The following SIGIRR variants were observed in gnomAD, a reference collection of about 807,000 sequenced individuals.
SIGIRR encodes the protein single Ig IL-1-related receptor.
In SIGIRR, 41 loss-of-function variants were observed where a neutral mutation model predicts 45.6. That is an observed-to-expected ratio of 0.90 (90% CI 0.70 to 1.17). SIGIRR has a LOEUF of 1.17. SIGIRR is among the 50% of genes most tolerant of loss of function. The probability of loss-of-function intolerance (pLI) is 0.00; values close to 1 mark genes in which losing one functional copy is unlikely to be tolerated. For synonymous variants in SIGIRR, 298 were observed against 239.0 expected (o/e 1.25, Z -2.28); for missense variants, 599 against 539.6 (o/e 1.11, Z -1.09).
chr11:409,065 G>C, intron 2 of SIGIRR, 172 bp from the exon 3 acceptor site: 1 of 650,836 alleles, frequency 1.5e-6, no homozygotes, highest in South Asian at 1.8e-5. Context: ...TCTTTCCCCA[G>C]TAGTGGCCAG....
chr11:406,204 C>A, intron 9 of SIGIRR, 145 bp from the exon 10 acceptor site: 1 of 1,538,634 alleles, frequency 6.5e-7, no homozygotes, highest in Non-Finnish European at 8.7e-7. Flanking sequence ...CCGAGCACCT[C>A]CAGGGCAGAG....
chr11:407,113 AC>A lies in SIGIRR; in HGVS notation c.676del (p.Val226TrpfsTer8). 1 of 1,524,622 alleles carries A rather than the reference AC, an allele frequency of 6.6e-7. No homozygotes were observed. Among genetic ancestry groups the A allele is most frequent in the South Asian group, 1.3e-5 (1 of 79,358 alleles). 94.4% of individuals were successfully genotyped at this position (1,524,622 alleles called of 1,614,324 possible). On this transcript the variant is annotated frameshift_variant, in exon 7 of 10. Coordinates refer to ENST00000431843, the MANE Select transcript of SIGIRR (RefSeq NM_001135054.2). LOFTEE classifies it high-confidence loss of function. ...VNLSRCRRLI[V>X]VLSDAFLSRA... ...GCTCAGGAAGGCGTCCGAAAGCACC[AC>A]GATGAGGCGTCGGCAGCGGCTCAGG...
rs773317441 is a variant in SIGIRR at position 408,078 on chromosome 11, C to G, written c.335G>C (p.Arg112Thr). The G allele has an allele frequency of 6.2e-7, 1 of 1,612,804 alleles. No individual in the cohort carries two copies. The highest frequency in any genetic ancestry group is 8.5e-7 in the Non-Finnish European group (1 of 1,179,962). The stretch of plus-strand genomic sequence containing the variant: ...CCTTGGGGAACCCCCATCACCAGCT[C>G]TCTGAAGAGTGAAGGAGGAGAAGCT... Reference protein sequence around the residue: ...NISFSSFTLQRAGPTSHVAAV... With the variant: ...NISFSSFTLQTAGPTSHVAAV... Residue 112 changes from arginine (R) to threonine (T), a missense_variant, in exon 4 of 10, where the codon AGA becomes ACA. By Grantham distance (71) the Arg-to-Thr change is moderately conservative. Coordinates refer to ENST00000431843, the MANE Select transcript of SIGIRR (RefSeq NM_001135054.2).
At chr11:409,747 C>T (rs1184930485) in intron 2 of SIGIRR, 121 bp downstream of exon 2, 6 of 1,152,434 alleles carry the variant, frequency 5.2e-6, no homozygotes, top group Non-Finnish European at 5.7e-6. Context: ...GGCCTTTGTA[C>T]CCCCGGCATG....
chr11:414,511 C>A (rs1590394854), intron 1 of SIGIRR, among the ~76,000 whole-genome samples: 1 of 152,060 alleles, frequency 6.6e-6, no homozygotes, highest in Non-Finnish European at 1.5e-5. Flanking sequence ...TCCTACACAG[C>A]ACACTTCCTA....
Position 407,690 on chromosome 11 carries a change from A to AGCCGG in SIGIRR, c.481+122_482-123dup, listed in dbSNP as rs1847407997. 1.9e-6 allele frequency: 3 copies of AGCCGG among 1,560,028 alleles called. No individual in the cohort carries two copies. In the East Asian group the frequency reaches 6.8e-5, roughly 35 times the overall value. ...CAGACCCGCCCCGGACTTTAACCCC[A>AGCCGG]GCCGGGCCGCACAGAGCACCCGGGG... On this transcript the variant is annotated intron_variant, in intron 5 of 9. Coordinates refer to ENST00000431843, the MANE Select transcript of SIGIRR (RefSeq NM_001135054.2).
intron 1 of SIGIRR, 105 bp from the exon 2 acceptor site, chr11:410,132 C>T: frequency 9.7e-7 from 1 of 1,029,902 alleles, no homozygotes; most frequent in Non-Finnish European, 1.2e-6. Flanking sequence ...CCCTGAGCAG[C>T]CGCATGGATG....
At chr11:414,031 C>T (rs1847800697) in intron 1 of SIGIRR, among the ~76,000 whole-genome samples, 2 of 102,374 alleles carry the variant, frequency 2.0e-5, no homozygotes, top group African/African-American at 4.1e-5. Flanking sequence ...CTCCCCTGCA[C>T]ACCTTCCCCT....
chr11:405,873 G>A lies in SIGIRR; in HGVS notation c.*23C>T. ...CTGCCCTGGCCCCCGCTGTCCCTATGATCCTGCACTCTGGGGTGGGAGCTA... is the reference window on the plus strand; with the variant it reads ...CTGCCCTGGCCCCCGCTGTCCCTATAATCCTGCACTCTGGGGTGGGAGCTA... On this transcript the variant is annotated 3_prime_UTR_variant, in exon 10 of 10. Transcript: ENST00000431843. 6.4e-7 allele frequency: 1 copy of A among 1,572,006 alleles called. No homozygotes were observed. The highest frequency in any genetic ancestry group is 8.7e-7 in the Non-Finnish European group (1 of 1,154,214).
chr11:405,935 G>C lies in SIGIRR; in HGVS notation c.1194C>G (p.Arg398=). ...SDLGSRNYSA[R]TDFYCLVSKD... is the part of the protein sequence containing the mutation. ...TGGACACCAGGCAGTAGAAGTCTGT[G>C]CGGGCACTGTAGTTTCGCGAGCCGA... is the stretch of plus-strand genomic sequence containing the variant. Residue 398 remains arginine (R), a synonymous_variant, in exon 10 of 10, where the codon CGC becomes CGG. Transcript: ENST00000431843. 1 of 1,611,378 alleles carries C rather than the reference G, an allele frequency of 6.2e-7. No homozygotes were observed. The highest frequency in any genetic ancestry group is 8.5e-7 in the Non-Finnish European group (1 of 1,179,084).
chr11:405,893 G>C lies in SIGIRR; in HGVS notation c.*3C>G, dbSNP rs377713530. On this transcript the variant is annotated 3_prime_UTR_variant, in exon 10 of 10. Transcript: ENST00000431843. Reference sequence around the variant, plus strand: ...CCTATGATCCTGCACTCTGGGGTGGGAGCTACATATCATCCTTGGACACCA... The same window carrying C: ...CCTATGATCCTGCACTCTGGGGTGGCAGCTACATATCATCCTTGGACACCA... 1.3e-6 allele frequency: 2 copies of C among 1,591,420 alleles called. No individual in the cohort carries two copies. The highest frequency in any genetic ancestry group is 1.3e-5 in the African/African-American group (1 of 74,678).
upstream of SIGIRR, among the ~76,000 whole-genome samples, chr11:416,337 C>T (rs997004303): frequency 1.3e-5 from 2 of 152,090 alleles, no homozygotes; most frequent in Admixed American, 1.3e-4. The surrounding 1 kb of genome is among the most constrained non-coding windows in gnomAD (Gnocchi z 9.1). Context: ...GGCACCCTCT[C>T]CTTCCCTCTC....
At position 407,460 on chromosome 11, in the gene SIGIRR, A is replaced by C. The variant is rs1847394635; in HGVS notation, c.590T>G (p.Leu197Arg). ...CAGGAGGTCGCGGTCGTCCAGGAAG[A>C]GCTTGTAGCCCCGACGCCGCTCCAG... is the stretch of plus-strand genomic sequence containing the variant. Reference protein sequence around the residue: ...PQLERRRGYKLFLDDRDLLPR... With the variant: ...PQLERRRGYKRFLDDRDLLPR... The change falls in exon 6 of 10, where the codon CTC becomes CGC. Residue 197 changes from leucine to arginine, a missense_variant. Transcript: ENST00000431843. The C allele has an allele frequency of 1.3e-6, 2 of 1,563,216 alleles. No individual in the cohort carries two copies. The highest frequency in any genetic ancestry group is 1.7e-6 in the Non-Finnish European group (2 of 1,154,666).
intron 8 of SIGIRR, 117 bp downstream of exon 8, chr11:406,726 C>T: frequency 7.0e-7 from 1 of 1,419,564 alleles, no homozygotes; most frequent in Non-Finnish European, 9.2e-7. Context: ...CCCCCAGGGC[C>T]CATTCACAAA....
rs201295626 is a variant in SIGIRR at position 406,545 on chromosome 11, G to A, written c.880-7C>T. The stretch of plus-strand genomic sequence containing the variant: ...AAAAATCGGAGGAAGGAGTCTGGGG[G>A]CCAGGTCGGGGCGGTTTGCAGGTGT... On this transcript the variant is annotated splice_polypyrimidine_tract_variant and splice_region_variant and intron_variant, in intron 8 of 9. Transcript: ENST00000431843. 6.2e-7 allele frequency: 1 copy of A among 1,605,382 alleles called. No individual in the cohort carries two copies. The highest frequency in any genetic ancestry group is 2.2e-5 in the East Asian group (1 of 44,766).
rs200106219 is a variant in SIGIRR, at chr11:407,518, G to T, written c.532C>A (p.Arg178Ser). Residue 178 changes from arginine to serine, a missense_variant, in exon 6 of 10, where the codon CGC (arginine) becomes AGC (serine). Physicochemically the swap from Arg to Ser is moderately radical, Grantham distance 110. Coordinates refer to ENST00000431843, the MANE Select transcript of SIGIRR (RefSeq NM_001135054.2). Reference protein sequence around the residue: ...YVSYSDCPEDRKFVNFILKPQ... With the variant: ...YVSYSDCPEDSKFVNFILKPQ... ...TTTAGGATGAAGTTCACGAACTTGC[G>T]GTCCTCGGGGCAGTCGCTGTAGGAG... 1 of 1,608,106 alleles carries T rather than the reference G, an allele frequency of 6.2e-7. No individual in the cohort carries two copies. The highest frequency in any genetic ancestry group is 8.5e-7 in the Non-Finnish European group (1 of 1,177,894).
At chr11:407,732 C>T in intron 5 of SIGIRR, 85 bp downstream of exon 5, 1 of 1,587,494 alleles carries the variant, frequency 6.3e-7, no homozygotes, top group Non-Finnish European at 8.6e-7. Flanking sequence ...CCCTCCCCGC[C>T]GCACGCCTCC....
At chr11:415,110 C>A (rs957846184), upstream of SIGIRR, 1 of 153,470 alleles carries the variant, frequency 6.5e-6, no homozygotes, top group East Asian at 1.9e-4. The surrounding 1 kb of genome is among the most constrained non-coding windows in gnomAD (Gnocchi z 6.6). Context: ...GGTTCTCACC[C>A]CGCCTGCCCC....
intron 1 of SIGIRR, among the ~76,000 whole-genome samples, chr11:410,578 GCGGGGGGC>G (rs1847546272): frequency 8.1e-6 from 1 of 123,678 alleles, no homozygotes; most frequent in African/African-American, 3.1e-5. Flanking sequence ...GATACAGTCG[GCGGGGGGC>G]TTTGCTTAGC....
Sources: allele counts gnomAD v4.1 joint callset (sites outside exome capture counted in the v4.1 genomes callset), GRCh38; gene constraint gnomAD v4.1.1; non-coding constraint Gnocchi (gnomAD v3.1); transcripts MANE v1.5; gene names NCBI Gene and HGNC (gene_info 2026-07-23, HGNC 2026-07-21).